CDYL2: variants seen among roughly 807,000 people sequenced by gnomAD.
CDYL2 encodes chromodomain Y-like protein 2.
A neutral mutation model predicts 49.4 loss-of-function variants in CDYL2; 23 were observed. That is an observed-to-expected ratio of 0.47 (90% CI 0.34 to 0.66). The LOEUF (loss-of-function observed/expected upper bound fraction) is 0.66, where lower values mean the gene tolerates loss of function less well. CDYL2 is among the 30% of genes least tolerant of loss of function. CDYL2 has a pLI of 0.01. For synonymous variants in CDYL2, 360 were observed against 268.8 expected, an observed-to-expected ratio of 1.34 and a Z score of -3.32; for missense variants, 678 against 656.4, an observed-to-expected ratio of 1.03 and a Z score of -0.36.
chr16:80,682,086 AT>A (rs1246090754), intron 2 of CDYL2, among the ~76,000 whole-genome samples: 1 of 152,192 alleles, frequency 6.6e-6, no homozygotes, highest in Non-Finnish European at 1.5e-5. Flanking sequence ...AGGAAATCAG[AT>A]TCCATGGGAT....
intron 1 of CDYL2, among the ~76,000 whole-genome samples, chr16:80,724,167 AG>A (rs1435373744): frequency 1.4e-4 from 21 of 148,964 alleles, no homozygotes; most frequent in African/African-American, 5.2e-4. Context: ...GAAGAGGAGG[AG>A]GAGACAAAGA....
At chr16:80,619,848 A>G (rs1109546) in intron 4 of CDYL2, among the ~76,000 whole-genome samples, 66,205 of 152,034 alleles carry the variant, frequency 0.44, 17,006 homozygotes, top group African/African-American at 0.72. Flanking sequence ...ATCACCTCTT[A>G]GAGACAAAGC....
intron 1 of CDYL2, among the ~76,000 whole-genome samples, chr16:80,729,460 A>AGTGAC (rs1347655403): frequency 6.6e-6 from 1 of 152,146 alleles, no homozygotes; most frequent in Non-Finnish European, 1.5e-5. Context: ...GCAAGTCCTG[A>AGTGAC]GTGACCTACA....
At chr16:80,642,288 C>A (rs1394372669) in intron 2 of CDYL2, among the ~76,000 whole-genome samples, 1 of 151,930 alleles carries the variant, frequency 6.6e-6, no homozygotes, top group Admixed American at 6.6e-5. Context: ...ACTAAAAATG[C>A]AAAAATTAGC....
chr16:80,634,720 A>G (rs375709193), intron 2 of CDYL2, among the ~76,000 whole-genome samples: 1 of 152,346 alleles, frequency 6.6e-6, no homozygotes. Context: ...GATAACTTAG[A>G]TGAAATTTCT....
At chr16:80,728,127 A>C (rs975461127) in intron 1 of CDYL2, among the ~76,000 whole-genome samples, 1 of 152,212 alleles carries the variant, frequency 6.6e-6, no homozygotes, top group East Asian at 1.9e-4. Context: ...TGAGAGAAGA[A>C]GGCTTCAGAC....
At chr16:80,627,691 T>C (rs1907364057) in intron 3 of CDYL2, 1 of 152,236 alleles carries the variant, frequency 6.6e-6, no homozygotes, top group Non-Finnish European at 1.5e-5. Context: ...TTAAACAGAA[T>C]ATACTGTATG....
intron 1 of CDYL2, among the ~76,000 whole-genome samples, chr16:80,802,755 T>G (rs988696976): frequency 3.9e-5 from 6 of 152,196 alleles, no homozygotes; most frequent in Non-Finnish European, 7.3e-5. Context: ...TTCTCCATTC[T>G]TCTTCTCTAA....
chr16:80,639,492 T>C (rs966291159), intron 2 of CDYL2, among the ~76,000 whole-genome samples: 1 of 152,198 alleles, frequency 6.6e-6, no homozygotes, highest in Non-Finnish European at 1.5e-5. Flanking sequence ...CTGTGGTACA[T>C]TCATAATATG....
chr16:80,683,027 A>G (rs1910030717), intron 2 of CDYL2, among the ~76,000 whole-genome samples: 1 of 152,156 alleles, frequency 6.6e-6, no homozygotes, highest in Non-Finnish European at 1.5e-5. Context: ...AAGAGTACCT[A>G]AAGACAGCAA....
rs145523823 is a variant in CDYL2, at chr16:80,766,442, G to T, written c.24+37708C>A. Among the ~76,000 whole-genome samples, 206 of 152,276 alleles carry T rather than the reference G, an allele frequency of 1.4e-3. 1 individual carries two copies. Among genetic ancestry groups the T allele is most frequent in the African/African-American group, 4.4e-3 (183 of 41,540 alleles). The stretch of plus-strand genomic sequence containing the variant: ...CTGAAAATTTTCATAGTCACATGCA[G>T]TGTTGACCAATATTCAATGAAAATG... On this transcript the variant is annotated intron_variant, in intron 1 of 6. Coordinates refer to ENST00000570137, the MANE Select transcript of CDYL2 (RefSeq NM_152342.4).
At chr16:80,718,852 G>C (rs1400925367) in intron 1 of CDYL2, among the ~76,000 whole-genome samples, 1 of 152,196 alleles carries the variant, frequency 6.6e-6, no homozygotes, top group Non-Finnish European at 1.5e-5. Context: ...GAGCAGGGGA[G>C]CGCCTGGGGT....
At chr16:80,757,216 G>C (rs1430068782) in intron 1 of CDYL2, among the ~76,000 whole-genome samples, 1 of 152,196 alleles carries the variant, frequency 6.6e-6, no homozygotes, top group East Asian at 1.9e-4. Context: ...CTAAAAGAGA[G>C]TCACAAACAT....
rs572885202 is a variant in CDYL2, at chr16:80,772,327, T to C, written c.24+31823A>G. Among the ~76,000 whole-genome samples, 66 of 152,210 alleles carry C rather than the reference T, an allele frequency of 4.3e-4. No individual in the cohort carries two copies. The Middle Eastern group carries it at 0.01, about 24-fold the overall frequency. ...GAGAAAGTCAAAAGAATAATAACAA[T>C]TTCCAATGGGGCTTAAAATATACAG... On this transcript the variant is annotated intron_variant, in intron 1 of 6. Transcript: ENST00000570137.
chr16:80,644,878 A>G (rs1190483234), intron 2 of CDYL2, among the ~76,000 whole-genome samples: 1 of 152,030 alleles, frequency 6.6e-6, no homozygotes, highest in African/African-American at 2.4e-5. Context: ...GACAAAAACA[A>G]GAAATGGGGA....
At chr16:80,803,006 C>A (rs1907972885) in intron 1 of CDYL2, among the ~76,000 whole-genome samples, 2 of 152,214 alleles carry the variant, frequency 1.3e-5, no homozygotes, top group African/African-American at 2.4e-5. Flanking sequence ...CTAACCCATG[C>A]GGCTGGTTTC....
At chr16:80,673,180 C>A (rs1221852822) in intron 2 of CDYL2, among the ~76,000 whole-genome samples, 1 of 152,028 alleles carries the variant, frequency 6.6e-6, no homozygotes, top group Admixed American at 6.6e-5. Context: ...ATTAGCCGGG[C>A]ATGGTGGCAT....
chr16:80,755,091 A>G (rs1906264824), intron 1 of CDYL2, among the ~76,000 whole-genome samples: 1 of 151,922 alleles, frequency 6.6e-6, no homozygotes, highest in African/African-American at 2.4e-5. Flanking sequence ...TTCAGCCCTC[A>G]CCTCCCCTCT....
At chr16:80,654,734 G>A (rs1459673460) in intron 2 of CDYL2, among the ~76,000 whole-genome samples, 1 of 152,240 alleles carries the variant, frequency 6.6e-6, no homozygotes, top group Non-Finnish European at 1.5e-5. Flanking sequence ...GCCCGGCATG[G>A]AGATGGGCCT....
Sources: allele counts gnomAD v4.1 joint callset (sites outside exome capture counted in the v4.1 genomes callset), GRCh38; gene constraint gnomAD v4.1.1; transcripts MANE v1.5; gene names NCBI Gene and HGNC (gene_info 2026-07-23, HGNC 2026-07-21).